Variants in SLC9C1 observed in about 807,000 individuals in gnomAD.
The protein encoded by SLC9C1 is sodium/hydrogen exchanger 10.
SLC9C1 carries 97 observed loss-of-function variants against 140.9 expected under a neutral mutation model. The ratio of observed to expected loss-of-function variants is 0.69; its 90% CI spans 0.58 to 0.82. The LOEUF (loss-of-function observed/expected upper bound fraction) is 0.82, where lower values mean the gene tolerates loss of function less well. Ranked by LOEUF, SLC9C1 falls within the 40% of genes least tolerant of loss-of-function variation. The pLI, the probability that SLC9C1 is intolerant of heterozygous loss-of-function variation, is 0.00. For synonymous variants in SLC9C1, 440 were observed against 442.6 expected, an observed-to-expected ratio of 0.99 and a Z score of 0.07; for missense variants, 1,340 against 1,389.3, an observed-to-expected ratio of 0.96 and a Z score of 0.56.
intron 1 of SLC9C1, among the ~76,000 whole-genome samples, chr3:112,292,579 T>G (rs572372719): frequency 7.2e-5 from 11 of 152,324 alleles, no homozygotes; most frequent in Middle Eastern, 3.4e-3. Flanking sequence ...AGTCATGATC[T>G]GTCGCCCAGG....
intron 12 of SLC9C1, among the ~76,000 whole-genome samples, chr3:112,236,995 G>A (rs1391380778): frequency 6.6e-6 from 1 of 152,204 alleles, no homozygotes; most frequent in Non-Finnish European, 1.5e-5. Context: ...TTGGTGCAGA[G>A]CTGAGCTCAT....
chr3:112,214,138 T>TAA lies in SLC9C1; in HGVS notation c.1790+3302_1790+3303dup, dbSNP rs200012149. ...GTACATGACAAAATGAAGGCAGAAA[T>TAA]AAAGATGTTCTTTGAAACCAATAAG... On this transcript the variant is annotated intron_variant, in intron 15 of 28. Coordinates refer to ENST00000305815, the MANE Select transcript of SLC9C1 (RefSeq NM_183061.3). Among the ~76,000 whole-genome samples, 246 of 152,220 alleles carry TAA rather than the reference T, an allele frequency of 1.6e-3. 6 individuals carry two copies. In the East Asian group the frequency reaches 0.046, roughly 28 times the overall value.
At chr3:112,199,739 T>C (rs1171764651) in intron 19 of SLC9C1, among the ~76,000 whole-genome samples, 1 of 152,042 alleles carries the variant, frequency 6.6e-6, no homozygotes, top group Non-Finnish European at 1.5e-5. Flanking sequence ...CAGGTATACT[T>C]TTCTACCTGC....
At chr3:112,227,917 C>CA (rs1217992906) in intron 13 of SLC9C1, among the ~76,000 whole-genome samples, 3 of 151,986 alleles carry the variant, frequency 2.0e-5, no homozygotes, top group Admixed American at 6.6e-5. Flanking sequence ...GAAGAGAACA[C>CA]AAAAAATGGG....
intron 13 of SLC9C1, among the ~76,000 whole-genome samples, chr3:112,230,308 A>G (rs2078787107): frequency 6.6e-6 from 1 of 152,176 alleles, no homozygotes; most frequent in Admixed American, 6.6e-5. Flanking sequence ...GGAACCCAGG[A>G]TGACTAGCTT....
chr3:112,240,578 C>T (rs930987928), intron 11 of SLC9C1, among the ~76,000 whole-genome samples: 1 of 152,208 alleles, frequency 6.6e-6, no homozygotes, highest in Non-Finnish European at 1.5e-5. Context: ...GTTGTCTCTG[C>T]CTTATGGTCT....
rs1029529785 is a variant in SLC9C1 at position 112,161,747 on chromosome 3, G to A, written c.3364+5474C>T. On this transcript the variant is annotated intron_variant, in intron 26 of 28. Transcript: ENST00000305815. ...TCTTTTGGCTTAGGATTGACTTGGC[G>A]ATGCGGGCTCTTTTTTGGTTCCATA... 4.3e-4 allele frequency among the ~76,000 whole-genome samples: 65 copies of A among 151,752 alleles called. No homozygotes were observed. In the South Asian group the frequency reaches 4.8e-3, roughly 11 times the overall value.
At chr3:112,169,365 G>A (rs552774208) in intron 23 of SLC9C1, 37 bp from the exon 24 acceptor site, 4 of 1,583,106 alleles carry the variant, frequency 2.5e-6, no homozygotes, top group Non-Finnish European at 3.4e-6. Flanking sequence ...ATTTTATTTT[G>A]TGCACTATGG....
chr3:112,268,342 C>G (rs1334010074), intron 7 of SLC9C1, among the ~76,000 whole-genome samples: 1 of 152,146 alleles, frequency 6.6e-6, no homozygotes, highest in East Asian at 1.9e-4. Context: ...TCTGCCTTTT[C>G]CTCTTCAGAG....
At chr3:112,279,630 T>C (rs748425880) in intron 3 of SLC9C1, among the ~76,000 whole-genome samples, 3 of 152,146 alleles carry the variant, frequency 2.0e-5, no homozygotes, top group East Asian at 1.9e-4. Flanking sequence ...TGTGGAAGAA[T>C]AGGCAAGAGA....
intron 26 of SLC9C1, among the ~76,000 whole-genome samples, chr3:112,158,041 C>T (rs2075177057): frequency 6.6e-6 from 1 of 151,778 alleles, no homozygotes. Context: ...TGGCTTGGAC[C>T]ACAAGTACTA....
intron 10 of SLC9C1, among the ~76,000 whole-genome samples, chr3:112,253,754 G>T (rs970196660): frequency 6.6e-6 from 1 of 152,116 alleles, no homozygotes; most frequent in Non-Finnish European, 1.5e-5. Context: ...CTAGTTCTCC[G>T]ACATGGGTTC....
intron 28 of SLC9C1, among the ~76,000 whole-genome samples, chr3:112,150,354 C>G (rs2074921168): frequency 6.6e-6 from 1 of 152,112 alleles, no homozygotes; most frequent in Non-Finnish European, 1.5e-5. Flanking sequence ...AAAGTGGTCT[C>G]TCTTGGCCTG....
chr3:112,180,133 A>G (rs1011613645), intron 22 of SLC9C1, among the ~76,000 whole-genome samples: 7 of 152,350 alleles, frequency 4.6e-5, no homozygotes, highest in African/African-American at 1.7e-4. Context: ...CACTGTCCTA[A>G]AAAAGAAACT....
intron 26 of SLC9C1, among the ~76,000 whole-genome samples, chr3:112,161,731 T>C (rs900495512): frequency 6.6e-6 from 1 of 151,952 alleles, no homozygotes; most frequent in Non-Finnish European, 1.5e-5. Flanking sequence ...TTCTTTTGGC[T>C]TAGGATTGAC....
chr3:112,289,970 G>C (rs2080629729), intron 1 of SLC9C1, among the ~76,000 whole-genome samples: 1 of 152,162 alleles, frequency 6.6e-6, no homozygotes, highest in African/African-American at 2.4e-5. Flanking sequence ...CTGGGGTGCA[G>C]CTTGAGTACT....
At chr3:112,255,701 C>T (rs2079585715) in intron 10 of SLC9C1, among the ~76,000 whole-genome samples, 1 of 152,086 alleles carries the variant, frequency 6.6e-6, no homozygotes, top group Admixed American at 6.6e-5. Context: ...AGTCCCAAAG[C>T]TAACAGAAGA....
In SLC9C1 at chr3:112,162,316, G is replaced by A. The variant is rs9861756; in HGVS notation, c.3364+4905C>T. 3.6e-3 allele frequency among the ~76,000 whole-genome samples: 542 copies of A among 151,854 alleles called. 3 individuals are homozygous for A. The highest frequency in any genetic ancestry group is 0.012 in the African/African-American group (501 of 41,410). Reference sequence around the variant, plus strand: ...GAACTTCCAACACTGTGTTGAATAGGAGTGGTGAGAGAGGGCATCCCTGTC... The same window carrying A: ...GAACTTCCAACACTGTGTTGAATAGAAGTGGTGAGAGAGGGCATCCCTGTC... On this transcript the variant is annotated intron_variant, in intron 26 of 28. Transcript: ENST00000305815.
At chr3:112,265,864 CTTAA>C (rs977398122) in intron 8 of SLC9C1, among the ~76,000 whole-genome samples, 2 of 152,032 alleles carry the variant, frequency 1.3e-5, no homozygotes, top group Non-Finnish European at 1.5e-5. Context: ...TTAAGTTCAA[CTTAA>C]TTAAACTTAA....
Sources: allele counts gnomAD v4.1 joint callset (sites outside exome capture counted in the v4.1 genomes callset), GRCh38; gene constraint gnomAD v4.1.1; transcripts MANE v1.5; gene names NCBI Gene and HGNC (gene_info 2026-07-23, HGNC 2026-07-21).